The following DNM1L variants were observed in gnomAD, a reference collection of about 807,000 sequenced individuals.
DNM1L encodes the protein dynamin-1-like protein.
Under a neutral mutation model 92.8 loss-of-function variants are expected in DNM1L, and 33 were observed. That is an observed-to-expected ratio of 0.36 (90% confidence interval 0.27 to 0.48). The LOEUF (loss-of-function observed/expected upper bound fraction) is 0.48, where lower values mean the gene tolerates loss of function less well. Among genes scored for constraint, DNM1L ranks in the 20% least tolerant of loss-of-function variants. DNM1L has a pLI of 0.99. For synonymous variants in DNM1L, 284 were observed against 305.0 expected, an observed-to-expected ratio of 0.93 and a Z score of 0.72; for missense variants, 485 against 888.8, an observed-to-expected ratio of 0.55 and a Z score of 5.78.
intron 7 of DNM1L, among the ~76,000 whole-genome samples, chr12:32,719,970 T>C (rs796500860): frequency 2.6e-5 from 4 of 152,336 alleles, no homozygotes; most frequent in African/African-American, 9.6e-5. Flanking sequence ...ATCTGAGTTA[T>C]AGTCCTAGTT....
chr12:32,703,786 A>C (rs1007143601), intron 2 of DNM1L, among the ~76,000 whole-genome samples: 2 of 152,150 alleles, frequency 1.3e-5, no homozygotes, highest in Admixed American at 6.6e-5. Context: ...AGCTTCATCA[A>C]AACTGGCTAA....
Position 32,679,393 on chromosome 12 carries a change from G to A in DNM1L, c.30G>A (p.Lys10=). 6.2e-7 allele frequency: 1 copy of A among 1,613,840 alleles called. No homozygotes were observed. Among genetic ancestry groups the A allele is most frequent in the Non-Finnish European group, 8.5e-7 (1 of 1,179,882 alleles). The change falls in exon 1 of 20, where the codon AAG becomes AAA. Residue 10 remains lysine, a synonymous_variant. Transcript: ENST00000549701. MEALIPVIN[K]LQDVFNTVGA... is the part of the protein sequence containing the mutation. ...AGGCGCTAATTCCTGTCATAAACAAGCTCCAGGACGTCTTCAACACGGTGG... is the reference window on the plus strand; with the variant it reads ...AGGCGCTAATTCCTGTCATAAACAAACTCCAGGACGTCTTCAACACGGTGG...
chr12:32,697,350 T>G (rs1400669111), intron 1 of DNM1L, among the ~76,000 whole-genome samples: 1 of 152,176 alleles, frequency 6.6e-6, no homozygotes, highest in Non-Finnish European at 1.5e-5. Flanking sequence ...TAGAGACACA[T>G]TAAAGACTGG....
chr12:32,687,544 G>A (rs1952066593), intron 1 of DNM1L, among the ~76,000 whole-genome samples: 1 of 151,990 alleles, frequency 6.6e-6, no homozygotes, highest in Non-Finnish European at 1.5e-5. Flanking sequence ...CTGAGTTCAA[G>A]CGATTCTTCT....
intron 1 of DNM1L, among the ~76,000 whole-genome samples, chr12:32,683,333 T>C (rs191907938): frequency 1.0e-3 from 159 of 151,910 alleles, no homozygotes; most frequent in Non-Finnish European, 1.2e-3. Context: ...CAAGCAGTCC[T>C]CTTGCCTCAG....
At chr12:32,722,375 C>T (rs1953849365) in intron 8 of DNM1L, 52 bp from the exon 9 acceptor site, 2 of 1,524,220 alleles carry the variant, frequency 1.3e-6, no homozygotes, top group Non-Finnish European at 1.8e-6. Context: ...TTGTTTAGGG[C>T]TTTAGAATAC....
chr12:32,703,902 G>A (rs1390669620), intron 2 of DNM1L, among the ~76,000 whole-genome samples: 1 of 152,170 alleles, frequency 6.6e-6, no homozygotes. Flanking sequence ...GTGTCAGTAT[G>A]TAGATTTATG....
intron 13 of DNM1L, among the ~76,000 whole-genome samples, chr12:32,735,947 G>C (rs879305045): frequency 6.6e-6 from 1 of 151,858 alleles, no homozygotes; most frequent in African/African-American, 2.4e-5. Context: ...CTGTGTTCAT[G>C]AAATACTTCC....
intron 9 of DNM1L, chr12:32,726,368 A>G: frequency 6.4e-7 from 1 of 1,571,936 alleles, no homozygotes. Flanking sequence ...TCAAGGCCAC[A>G]TATATCCTGC....
chr12:32,726,992 A>G (rs1954190411), intron 9 of DNM1L: 7 of 745,114 alleles, frequency 9.4e-6, no homozygotes, highest in Non-Finnish European at 1.7e-5. Flanking sequence ...GAATAGGTTC[A>G]TCATGTTTCT....
intron 12 of DNM1L, among the ~76,000 whole-genome samples, chr12:32,732,176 G>T (rs10844328): frequency 2.6e-5 from 4 of 151,998 alleles, no homozygotes; most frequent in Admixed American, 1.3e-4. Context: ...TAGCCTGCAG[G>T]CATGGGTTTT....
chr12:32,714,707 T>C (rs185042927), intron 6 of DNM1L, among the ~76,000 whole-genome samples: 3 of 152,006 alleles, frequency 2.0e-5, no homozygotes, highest in Non-Finnish European at 4.4e-5. Flanking sequence ...TAAAGTAGAC[T>C]GGGCTCAGTG....
chr12:32,705,671 C>T (rs1207295247), intron 2 of DNM1L, among the ~76,000 whole-genome samples: 1 of 152,154 alleles, frequency 6.6e-6, no homozygotes, highest in Non-Finnish European at 1.5e-5. Flanking sequence ...TCTTCTTAGC[C>T]ACTAACTTTA....
rs1274690861 is a variant in DNM1L, at chr12:32,732,709, A to G, written c.1446+766A>G. ...CCAGAATCATTGGACCTTCATTTTAATAGACCCTTTTTACCCAGTTCTGGA... is the reference window on the plus strand; with the variant it reads ...CCAGAATCATTGGACCTTCATTTTAGTAGACCCTTTTTACCCAGTTCTGGA... On this transcript the variant is annotated intron_variant, in intron 12 of 19. Coordinates refer to ENST00000549701, the MANE Select transcript of DNM1L (RefSeq NM_012062.5). The G allele has an allele frequency of 3.7e-5, 15 of 408,302 alleles. No individual in the cohort carries two copies. The Admixed American group carries it at 4.2e-4, about 11-fold the overall frequency. 25.3% of individuals were successfully genotyped at this position (408,302 alleles called of 1,614,324 possible). A position where few individuals can be genotyped will look rare whatever the true frequency, so the allele number is the denominator to read the frequency against.
At chr12:32,742,455 C>A in intron 18 of DNM1L, 134 bp from the exon 19 acceptor site, 1 of 1,135,696 alleles carries the variant, frequency 8.8e-7, no homozygotes, top group Non-Finnish European at 1.3e-6. Context: ...ATCTAAAGGG[C>A]GATTATGCCA....
chr12:32,719,648 G>T (rs901312804), intron 7 of DNM1L, among the ~76,000 whole-genome samples: 1 of 152,168 alleles, frequency 6.6e-6, no homozygotes, highest in African/African-American at 2.4e-5. Flanking sequence ...TAATTGCCAG[G>T]ATGTGACTTG....
chr12:32,695,883 G>C (rs1952425440), intron 1 of DNM1L, among the ~76,000 whole-genome samples: 2 of 152,062 alleles, frequency 1.3e-5, no homozygotes, highest in African/African-American at 2.4e-5. Context: ...ACCTTATGAG[G>C]GAAAGAAGCT....
intron 6 of DNM1L, among the ~76,000 whole-genome samples, chr12:32,717,332 TTA>T (rs1491439723): frequency 1.5e-4 from 10 of 67,932 alleles, no homozygotes; most frequent in South Asian, 3.3e-4. Flanking sequence ...ACTATATATT[TTA>T]TATATACTAT....
intron 18 of DNM1L, among the ~76,000 whole-genome samples, chr12:32,742,208 G>C (rs895883836): frequency 6.6e-6 from 1 of 152,034 alleles, no homozygotes; most frequent in African/African-American, 2.4e-5. Context: ...GGGTTCAAGT[G>C]ATTCTCGTAT....
Sources: gnomAD v4.1 joint callset for allele counts (sites outside exome capture counted in the v4.1 genomes callset) on GRCh38, gnomAD v4.1.1 for gene constraint, MANE v1.5 for transcripts, NCBI Gene and HGNC (gene_info 2026-07-23, HGNC 2026-07-21) for gene names.